ASCC3: variants seen among roughly 807,000 people sequenced by gnomAD.
ASCC3 encodes activating signal cointegrator 1 complex subunit 3.
A neutral mutation model predicts 256.3 loss-of-function variants in ASCC3; 158 were observed. The observed-to-expected ratio is 0.62, with a 90% confidence interval of 0.54 to 0.70. ASCC3 has a LOEUF of 0.70. ASCC3 is among the 30% of genes least tolerant of loss of function. The pLI is 0.00. For missense variants in ASCC3, 2,259 were observed against 2,626.0 expected (o/e 0.86, Z 3.05); for synonymous variants, 948 against 883.4 (o/e 1.07, Z -1.30).
At chr6:100,695,261 C>T (rs1778028850) in intron 13 of ASCC3, among the ~76,000 whole-genome samples, 1 of 152,010 alleles carries the variant, frequency 6.6e-6, no homozygotes, top group African/African-American at 2.4e-5. Context: ...GGAAACTAAA[C>T]GGACATGATA....
chr6:100,871,249 C>T (rs1773728067), intron 1 of ASCC3, among the ~76,000 whole-genome samples: 1 of 152,096 alleles, frequency 6.6e-6, no homozygotes, highest in Non-Finnish European at 1.5e-5. Context: ...GTACGCACCA[C>T]CACGCCCGGC....
chr6:100,769,333 A>C (rs1781809304), intron 8 of ASCC3, among the ~76,000 whole-genome samples: 1 of 151,970 alleles, frequency 6.6e-6, no homozygotes, highest in African/African-American at 2.4e-5. Context: ...AAATAATAAT[A>C]TATATTTCAA....
chr6:100,608,117 T>TATATATATA (rs1562161146), intron 30 of ASCC3, among the ~76,000 whole-genome samples: 8 of 47,870 alleles, frequency 1.7e-4, no homozygotes, highest in Non-Finnish European at 2.9e-4. Context: ...TGTATATATA[T>TATATATATA]CTATATATAC....
intron 10 of ASCC3, among the ~76,000 whole-genome samples, chr6:100,735,719 G>A (rs1399031800): frequency 1.3e-5 from 2 of 151,992 alleles, no homozygotes; most frequent in Admixed American, 6.5e-5. Flanking sequence ...AAGACAATAA[G>A]ATCTCTACAT....
chr6:100,729,842 G>A lies in ASCC3; in HGVS notation c.1738-4139C>T, dbSNP rs9404015. On this transcript the variant is annotated intron_variant, in intron 10 of 41. Coordinates refer to ENST00000369162, the MANE Select transcript of ASCC3 (RefSeq NM_006828.4). ...TTTTGAAATTTTTAGTACTTAGACTGTAGAAAACCGGGAGCAAACTGTGTA... is the reference window on the plus strand; with the variant it reads ...TTTTGAAATTTTTAGTACTTAGACTATAGAAAACCGGGAGCAAACTGTGTA... Among the ~76,000 whole-genome samples, 26 of 152,242 alleles carry A rather than the reference G, an allele frequency of 1.7e-4. No homozygotes were observed. The East Asian group carries it at 3.9e-3, about 23-fold the overall frequency.
chr6:100,584,183 G>A (rs1771495328), intron 36 of ASCC3, among the ~76,000 whole-genome samples: 1 of 151,184 alleles, frequency 6.6e-6, no homozygotes, highest in Non-Finnish European at 1.5e-5. Context: ...TGTTGACAGT[G>A]GGGTGTTAAA....
intron 8 of ASCC3, 151 bp downstream of exon 8, chr6:100,798,562 C>G (rs1582879712): frequency 3.7e-6 from 4 of 1,081,298 alleles, no homozygotes; most frequent in Non-Finnish European, 5.3e-6. Context: ...ATTTTTTAAA[C>G]TCTCCTACTG....
intron 13 of ASCC3, among the ~76,000 whole-genome samples, chr6:100,689,164 A>T (rs1777721160): frequency 6.6e-6 from 1 of 151,898 alleles, no homozygotes. Flanking sequence ...AAAATTAATC[A>T]CTCCCATCAC....
intron 3 of ASCC3, chr6:100,856,201 T>C (rs991385957): frequency 4.1e-5 from 8 of 196,234 alleles, no homozygotes; most frequent in African/African-American, 1.9e-4. Flanking sequence ...TTAACCCACT[T>C]GGTGGCTTTA....
intron 3 of ASCC3, among the ~76,000 whole-genome samples, chr6:100,863,582 T>A (rs1490247318): frequency 6.6e-6 from 1 of 152,166 alleles, no homozygotes; most frequent in Non-Finnish European, 1.5e-5. Context: ...AGCCTGTCAC[T>A]CTCTATCCGA....
chr6:100,822,729 T>C (rs1020664654), intron 4 of ASCC3, among the ~76,000 whole-genome samples: 1 of 152,006 alleles, frequency 6.6e-6, no homozygotes, highest in Admixed American at 6.5e-5. Flanking sequence ...TTGAAACAAA[T>C]AGGAAATGCT....
At chr6:100,696,494 T>C (rs1157432311) in intron 13 of ASCC3, among the ~76,000 whole-genome samples, 2 of 152,032 alleles carry the variant, frequency 1.3e-5, no homozygotes, top group African/African-American at 4.8e-5. Context: ...ACTTATTAAC[T>C]ATATTTACCA....
At chr6:100,562,315 A>T (rs914736333) in intron 36 of ASCC3, among the ~76,000 whole-genome samples, 1 of 152,100 alleles carries the variant, frequency 6.6e-6, no homozygotes, top group Non-Finnish European at 1.5e-5. Flanking sequence ...TGGGTTTAGA[A>T]ATCAAAAGGT....
intron 36 of ASCC3, among the ~76,000 whole-genome samples, chr6:100,571,895 T>C (rs1770609461): frequency 6.6e-6 from 1 of 152,136 alleles, no homozygotes; most frequent in Non-Finnish European, 1.5e-5. Flanking sequence ...AAAACTAGAG[T>C]TATCACCCAC....
At chr6:100,874,089 T>A (rs1444582939) in intron 1 of ASCC3, among the ~76,000 whole-genome samples, 1 of 152,174 alleles carries the variant, frequency 6.6e-6, no homozygotes, top group African/African-American at 2.4e-5. Context: ...ATAAATCATT[T>A]ATACACAAAT....
At chr6:100,562,538 T>TA (rs1770009993) in intron 36 of ASCC3, among the ~76,000 whole-genome samples, 1 of 152,110 alleles carries the variant, frequency 6.6e-6, no homozygotes, top group African/African-American at 2.4e-5. Context: ...AGAGTATGCA[T>TA]ATAGGTCTGT....
chr6:100,540,526 TATC>T (rs1164905640), intron 36 of ASCC3, 139 bp from the exon 37 acceptor site: 2 of 700,648 alleles, frequency 2.9e-6, no homozygotes, highest in Non-Finnish European at 4.9e-6. Flanking sequence ...TGTTCAATAT[TATC>T]ATTAATACAC....
intron 22 of ASCC3, among the ~76,000 whole-genome samples, chr6:100,646,296 T>G (rs1775374992): frequency 6.6e-6 from 1 of 152,032 alleles, no homozygotes. Flanking sequence ...AATATTGCTA[T>G]AATTTTTTAC....
intron 10 of ASCC3, among the ~76,000 whole-genome samples, chr6:100,750,835 G>C (rs960672189): frequency 1.6e-4 from 25 of 151,898 alleles, no homozygotes; most frequent in Admixed American, 1.1e-3. Context: ...ACTAATGCTG[G>C]TGACCACTCA....
Sources: allele counts gnomAD v4.1 joint callset (sites outside exome capture counted in the v4.1 genomes callset), GRCh38; gene constraint gnomAD v4.1.1; transcripts MANE v1.5; gene names NCBI Gene and HGNC (gene_info 2026-07-23, HGNC 2026-07-21).